Variants in CPNE8 observed in about 807,000 individuals in gnomAD.
The protein encoded by CPNE8 is copine 8, also known as copine-8.
Under a neutral mutation model 81.5 loss-of-function variants are expected in CPNE8, and 45 were observed. The ratio of observed to expected loss-of-function variants is 0.55; its 90% confidence interval spans 0.44 to 0.71. The LOEUF is 0.71. Ranked by LOEUF, CPNE8 falls within the 30% of genes least tolerant of loss-of-function variation. CPNE8 has a pLI of 0.00. For missense variants in CPNE8, 594 were observed against 672.1 expected, an observed-to-expected ratio of 0.88 and a Z score of 1.28; for synonymous variants, 252 against 226.3, an observed-to-expected ratio of 1.11 and a Z score of -1.02.
rs200478172 is a variant in CPNE8 at position 38,702,884 on chromosome 12, C to A, written c.952G>T (p.Ala318Ser). 7.7e-6 allele frequency: 12 copies of A among 1,559,800 alleles called. No individual in the cohort carries two copies. Among genetic ancestry groups the A allele is most frequent in the Non-Finnish European group, 9.6e-6 (11 of 1,149,414 alleles). ...INFTVAIDFTASNGNPAQPTS... is the reference protein window; with the variant it reads ...INFTVAIDFTSSNGNPAQPTS... ...TAATCAAAACACTCACCGTTTGATG[C>A]TGTAAAATCAATAGCCACTGTGAAA... The change falls in exon 14 of 20, where the codon GCA becomes TCA. Residue 318 changes from alanine (A) to serine (S), a missense_variant. Transcript: ENST00000331366.
At chr12:38,717,456 T>TATATATATATAC (rs1215784272) in intron 13 of CPNE8, among the ~76,000 whole-genome samples, 3 of 139,500 alleles carry the variant, frequency 2.2e-5, no homozygotes, top group African/African-American at 8.0e-5. Context: ...TATATATATA[T>TATATATATATAC]ATACACCATG....
chr12:38,706,617 A>G (rs1363375088), intron 13 of CPNE8, among the ~76,000 whole-genome samples: 2 of 152,202 alleles, frequency 1.3e-5, no homozygotes, highest in Non-Finnish European at 2.9e-5. Flanking sequence ...GGAATAAAAA[A>G]TAACTTTGAG....
intron 13 of CPNE8, among the ~76,000 whole-genome samples, chr12:38,715,903 C>T (rs576358248): frequency 6.6e-6 from 1 of 152,020 alleles, no homozygotes; most frequent in Admixed American, 6.6e-5. Context: ...CCTAAAAACT[C>T]ATCTAAAAAG....
intron 6 of CPNE8, among the ~76,000 whole-genome samples, chr12:38,820,670 G>C (rs1336297631): frequency 6.6e-6 from 1 of 152,128 alleles, no homozygotes; most frequent in South Asian, 2.1e-4. Flanking sequence ...CTTATCACTT[G>C]TTTCCTTCAG....
At chr12:38,771,301 A>C (rs1322324079) in intron 7 of CPNE8, among the ~76,000 whole-genome samples, 1 of 137,954 alleles carries the variant, frequency 7.2e-6, no homozygotes, top group Non-Finnish European at 1.5e-5. Context: ...TCTCTATCAA[A>C]AAAAAAAAAA....
chr12:38,720,833 C>T lies in CPNE8; in HGVS notation c.914+2939G>A, dbSNP rs150908986. 307 of 152,420 alleles carry T rather than the reference C, an allele frequency of 2.0e-3. 2 individuals are homozygous for T. Among genetic ancestry groups the T allele is most frequent in the African/African-American group, 7.2e-3 (301 of 41,556 alleles). The allele number at this position is 152,420 out of a possible 1,614,324, so 9.4% of individuals were successfully genotyped here. A position where few individuals can be genotyped will look rare whatever the true frequency, so the allele number is the denominator to read the frequency against. On this transcript the variant is annotated intron_variant, in intron 13 of 19. Transcript: ENST00000331366. ...GGGTAGGAGCTCCCCAGGTGCACTG[C>T]AGTCATCCAAGCCACGGCTACAGAC...
intron 19 of CPNE8, among the ~76,000 whole-genome samples, chr12:38,669,845 C>T (rs568085164): frequency 2.0e-5 from 3 of 152,060 alleles, no homozygotes; most frequent in Non-Finnish European, 4.4e-5. Flanking sequence ...AAAGCAGACT[C>T]GGGGGATATG....
intron 10 of CPNE8, among the ~76,000 whole-genome samples, chr12:38,759,522 C>A (rs571295586): frequency 3.9e-5 from 6 of 152,256 alleles, no homozygotes; most frequent in African/African-American, 1.2e-4. Flanking sequence ...GAATACCTGG[C>A]AGAAACGTAA....
chr12:38,837,865 C>T (rs149003505), intron 5 of CPNE8, among the ~76,000 whole-genome samples: 4 of 151,900 alleles, frequency 2.6e-5, no homozygotes, highest in South Asian at 2.1e-4. Flanking sequence ...AAATTTCTTA[C>T]GATGAGAAGA....
chr12:38,708,819 A>G (rs1469166875), intron 13 of CPNE8, among the ~76,000 whole-genome samples: 1 of 152,204 alleles, frequency 6.6e-6, no homozygotes, highest in African/African-American at 2.4e-5. Flanking sequence ...GAGTAATACC[A>G]TCTTACATGT....
intron 1 of CPNE8, among the ~76,000 whole-genome samples, chr12:38,896,182 A>G (rs1944385669): frequency 6.6e-6 from 1 of 152,152 alleles, no homozygotes; most frequent in Non-Finnish European, 1.5e-5. Context: ...AAATAGAAAT[A>G]TTTGCTGGGG....
chr12:38,715,033 C>T (rs826842), intron 13 of CPNE8, among the ~76,000 whole-genome samples: 142,908 of 152,194 alleles, frequency 0.94, 67,393 homozygotes, highest in Middle Eastern at 0.99. Context: ...ATTGGATTCA[C>T]GAGTAAAAAA....
At chr12:38,750,939 C>T (rs1941342630) in intron 10 of CPNE8, among the ~76,000 whole-genome samples, 1 of 152,116 alleles carries the variant, frequency 6.6e-6, no homozygotes, top group Non-Finnish European at 1.5e-5. Flanking sequence ...TGAATTCCCA[C>T]GTGTTGTGGG....
At chr12:38,781,386 T>C (rs781303716) in intron 6 of CPNE8, among the ~76,000 whole-genome samples, 24 of 151,924 alleles carry the variant, frequency 1.6e-4, no homozygotes, top group Non-Finnish European at 3.2e-4. Context: ...AATTCAGCCA[T>C]GAACTATTTA....
intron 15 of CPNE8, among the ~76,000 whole-genome samples, chr12:38,690,698 G>GA (rs911627605): frequency 2.6e-5 from 4 of 151,800 alleles, no homozygotes; most frequent in Non-Finnish European, 5.9e-5. Context: ...GAGGAAAAAG[G>GA]AAAAAAATAC....
chr12:38,703,748 T>C (rs1488472189), intron 13 of CPNE8, among the ~76,000 whole-genome samples: 1 of 152,154 alleles, frequency 6.6e-6, no homozygotes, highest in African/African-American at 2.4e-5. Flanking sequence ...TCTGCAAAGT[T>C]TCAGGATACA....
At chr12:38,777,960 C>A (rs912711261) in intron 6 of CPNE8, among the ~76,000 whole-genome samples, 3 of 152,074 alleles carry the variant, frequency 2.0e-5, no homozygotes, top group Non-Finnish European at 2.9e-5. Context: ...TGAGAGGGAC[C>A]TAAGTTGCAT....
Sources: gnomAD v4.1 joint callset for allele counts (sites outside exome capture counted in the v4.1 genomes callset) on GRCh38, gnomAD v4.1.1 for gene constraint, MANE v1.5 for transcripts, NCBI Gene and HGNC (gene_info 2026-07-23, HGNC 2026-07-21) for gene names.